ERBB4: variants seen among roughly 807,000 people sequenced by gnomAD.
ERBB4 encodes the protein erb-b2 receptor tyrosine kinase 4.
Under a neutral mutation model 158.0 loss-of-function variants are expected in ERBB4, and 42 were observed. The ratio of observed to expected loss-of-function variants is 0.27; its 90% confidence interval spans 0.21 to 0.34. The LOEUF (loss-of-function observed/expected upper bound fraction) is 0.34. Among genes scored for constraint, ERBB4 ranks in the 10% least tolerant of loss-of-function variants. ERBB4 has a pLI of 1.00. For synonymous variants in ERBB4, 583 were observed against 558.7 expected (o/e 1.04, Z -0.61); for missense variants, 1,333 against 1,624.1 (o/e 0.82, Z 3.08).
At chr2:212,252,759 G>A (rs1351711508) in intron 1 of ERBB4, among the ~76,000 whole-genome samples, 1 of 152,056 alleles carries the variant, frequency 6.6e-6, no homozygotes, top group Non-Finnish European at 1.5e-5. Flanking sequence ...ATAATAAAAA[G>A]AGAGAAGATA....
rs1286319545 is a variant in ERBB4 at position 211,442,947 on chromosome 2, G to T, written c.2488-11847C>A. 2.6e-5 allele frequency among the ~76,000 whole-genome samples: 4 copies of T among 152,024 alleles called. No homozygotes were observed. In the South Asian group the frequency reaches 8.3e-4, roughly 32 times the overall value. On this transcript the variant is annotated intron_variant, in intron 20 of 27. Transcript: ENST00000342788. Reference sequence around the variant, plus strand: ...TGTTGAGTGCCTGGAACTGTGAATGGCGTGTTCCTGTGGAGATGACATAAC... The same window carrying T: ...TGTTGAGTGCCTGGAACTGTGAATGTCGTGTTCCTGTGGAGATGACATAAC...
intron 20 of ERBB4, among the ~76,000 whole-genome samples, chr2:211,432,970 T>C (rs765016175): frequency 6.6e-6 from 1 of 152,114 alleles, no homozygotes; most frequent in East Asian, 1.9e-4. Flanking sequence ...GCCTAGCAAG[T>C]ATGCGTGAGA....
chr2:211,403,632 T>C (rs1375797411), intron 25 of ERBB4, among the ~76,000 whole-genome samples: 1 of 152,146 alleles, frequency 6.6e-6, no homozygotes, highest in African/African-American at 2.4e-5. Context: ...TTAACTACCA[T>C]ATAGCTGCGT....
At chr2:211,474,701 G>A (rs966623136) in intron 20 of ERBB4, among the ~76,000 whole-genome samples, 5 of 151,820 alleles carry the variant, frequency 3.3e-5, no homozygotes, top group African/African-American at 9.7e-5. Flanking sequence ...TAATATAATC[G>A]AACAGATGAG....
intron 3 of ERBB4, among the ~76,000 whole-genome samples, chr2:211,861,159 A>T (rs1229896329): frequency 1.2e-4 from 4 of 33,544 alleles, no homozygotes; most frequent in African/African-American, 3.7e-4. Context: ...TATATATTAA[A>T]AAAAAGTAGT....
At chr2:211,458,468 T>C (rs1473500908) in intron 20 of ERBB4, among the ~76,000 whole-genome samples, 1 of 152,028 alleles carries the variant, frequency 6.6e-6, no homozygotes, top group Non-Finnish European at 1.5e-5. Context: ...GTTTTCACCA[T>C]GTTGGCCGAG....
intron 1 of ERBB4, among the ~76,000 whole-genome samples, chr2:212,190,524 G>A (rs573708932): frequency 3.5e-4 from 43 of 123,570 alleles, no homozygotes; most frequent in African/African-American, 1.3e-3. Flanking sequence ...GCAACAGAGC[G>A]AGACTCCGTC....
At chr2:211,863,468 C>T (rs2078122444) in intron 3 of ERBB4, among the ~76,000 whole-genome samples, 1 of 152,202 alleles carries the variant, frequency 6.6e-6, no homozygotes, top group East Asian at 1.9e-4. Context: ...TGTGTCCGCA[C>T]TACCTTTATG....
chr2:212,065,919 G>T (rs1250880070), intron 2 of ERBB4, among the ~76,000 whole-genome samples: 1 of 151,986 alleles, frequency 6.6e-6, no homozygotes, highest in Admixed American at 6.6e-5. Flanking sequence ...TTGTAGTTCT[G>T]AACCGGAATT....
chr2:212,489,857 A>C (rs1690177072), intron 1 of ERBB4, among the ~76,000 whole-genome samples: 1 of 151,472 alleles, frequency 6.6e-6, no homozygotes, highest in Admixed American at 6.6e-5. Context: ...GTGACTTAAA[A>C]CCAAGTCTCC....
intron 1 of ERBB4, among the ~76,000 whole-genome samples, chr2:212,480,844 A>C (rs981189281): frequency 2.0e-5 from 3 of 152,248 alleles, no homozygotes; most frequent in Non-Finnish European, 2.9e-5. Flanking sequence ...ATGATTATGC[A>C]CTTAGCAGCT....
chr2:212,034,171 C>G (rs2076963510), intron 2 of ERBB4, among the ~76,000 whole-genome samples: 1 of 151,794 alleles, frequency 6.6e-6, no homozygotes, highest in Non-Finnish European at 1.5e-5. Context: ...TGTCAGCTTA[C>G]TAATCTGTGT....
At chr2:212,056,394 C>G (rs573724119) in intron 2 of ERBB4, among the ~76,000 whole-genome samples, 1 of 152,162 alleles carries the variant, frequency 6.6e-6, no homozygotes, top group Non-Finnish European at 1.5e-5. Flanking sequence ...CCTAGCAAGG[C>G]AGGCCAACAT....
rs1253341569 is a variant in ERBB4, at chr2:212,417,631, T to C, written c.82+120818A>G. Reference sequence around the variant, plus strand: ...GTAATGTCAGTCTGAAGCATAACAATTAGCTTATGCAGCCAAGGCTAAGCT... The same window carrying C: ...GTAATGTCAGTCTGAAGCATAACAACTAGCTTATGCAGCCAAGGCTAAGCT... On this transcript the variant is annotated intron_variant, in intron 1 of 27. Transcript: ENST00000342788. Among the ~76,000 whole-genome samples, 5 of 152,150 alleles carry C rather than the reference T, an allele frequency of 3.3e-5. 1 individual carries two copies. Among genetic ancestry groups the C allele is most frequent in the African/African-American group, 4.8e-5 (2 of 41,562 alleles).
At chr2:211,885,882 T>C (rs2078786919) in intron 3 of ERBB4, among the ~76,000 whole-genome samples, 1 of 152,204 alleles carries the variant, frequency 6.6e-6, no homozygotes. Context: ...CTTTACTATA[T>C]GAAATATAAC....
rs186438588 is a variant in ERBB4, at chr2:211,386,716, A to G, written c.3481+137T>C. ...CTGCTGATTCAGGGACCATACTACA[A>G]GTAGCAGTAGCCTAGGCCTTTACTG... is the stretch of plus-strand genomic sequence containing the variant. On this transcript the variant is annotated intron_variant, in intron 27 of 27. Transcript: ENST00000342788. 1.3e-4 allele frequency: 99 copies of G among 745,772 alleles called. 1 individual carries two copies. The Admixed American group carries it at 2.0e-3, about 15-fold the overall frequency. 46.2% of individuals were successfully genotyped at this position (745,772 alleles called of 1,614,324 possible).
intron 1 of ERBB4, among the ~76,000 whole-genome samples, chr2:212,463,760 C>T (rs1688692401): frequency 6.6e-6 from 1 of 152,082 alleles, no homozygotes; most frequent in African/African-American, 2.4e-5. Flanking sequence ...ATTCGATTAG[C>T]TTCATGAATC....
intron 20 of ERBB4, among the ~76,000 whole-genome samples, chr2:211,478,955 C>G (rs1006266130): frequency 1.3e-5 from 2 of 152,058 alleles, no homozygotes; most frequent in African/African-American, 4.8e-5. Flanking sequence ...TCGGTTTCGT[C>G]TCTCTAATCA....
chr2:212,411,118 AC>A (rs1199445821), intron 1 of ERBB4, among the ~76,000 whole-genome samples: 1 of 152,166 alleles, frequency 6.6e-6, no homozygotes, highest in Non-Finnish European at 1.5e-5. Flanking sequence ...TTGAAGTAAT[AC>A]AATGTCTAAA....
Sources: allele counts gnomAD v4.1 joint callset (sites outside exome capture counted in the v4.1 genomes callset), GRCh38; gene constraint gnomAD v4.1.1; transcripts MANE v1.5; gene names NCBI Gene and HGNC (gene_info 2026-07-23, HGNC 2026-07-21).